CASK: variants seen among roughly 807,000 people sequenced by gnomAD.
CASK encodes the protein peripheral plasma membrane protein CASK.
Under a neutral mutation model 82.9 loss-of-function variants are expected in CASK, and 4 were observed. The observed-to-expected ratio is 0.05, with a 90% CI of 0.02 to 0.11. The LOEUF (loss-of-function observed/expected upper bound fraction) is 0.11, where lower values mean the gene tolerates loss of function less well. Among genes scored for constraint, CASK ranks in the 10% least tolerant of loss-of-function variants. The pLI is 1.00. For missense variants in CASK, 358 were observed against 720.9 expected (o/e 0.50, Z 5.76); for synonymous variants, 259 against 253.5 (o/e 1.02, Z -0.20).
chrX:41,701,199 T>G (rs2067787214), intron 5 of CASK, among the ~76,000 whole-genome samples: 1 of 111,041 alleles, frequency 9.0e-6, no homozygotes, highest in Admixed American at 9.6e-5. Context: ...ATAAGGACAC[T>G]CAAGAATTAA....
intron 5 of CASK, among the ~76,000 whole-genome samples, chrX:41,737,929 A>C (rs972316171): frequency 1.3e-4 from 15 of 113,150 alleles, no homozygotes; most frequent in African/African-American, 4.8e-4. Context: ...TACAGTTGAC[A>C]ATTTCCCGCC....
intron 25 of CASK, chrX:41,524,249 C>T (rs1440728874): frequency 4.9e-6 from 2 of 405,563 alleles, no homozygotes; most frequent in African/African-American, 5.0e-5. Flanking sequence ...TAAAAGTTGG[C>T]AAACTGGACA....
intron 26 of CASK, among the ~76,000 whole-genome samples, 196 bp from the exon 27 acceptor site, chrX:41,520,792 C>T (rs1407667497): frequency 1.8e-5 from 2 of 112,040 alleles, no homozygotes; most frequent in South Asian, 3.7e-4. Context: ...ACAGTGATTG[C>T]TCAACATGCA....
At position 41,565,998 on chromosome X, in the gene CASK, A is replaced by G. The variant is rs1464051311; in HGVS notation, c.1582+3670T>C. ...ACGACAAAAACCACATGATTATCTCAACAGATGCAGAAAAGGCCTTCAACA... is the reference window on the plus strand; with the variant it reads ...ACGACAAAAACCACATGATTATCTCGACAGATGCAGAAAAGGCCTTCAACA... On this transcript the variant is annotated intron_variant, in intron 16 of 26. Coordinates refer to ENST00000378163, the MANE Select transcript of CASK (RefSeq NM_001367721.1). 2.7e-5 allele frequency among the ~76,000 whole-genome samples: 3 copies of G among 111,969 alleles called. No individual in the cohort carries two copies. In the East Asian group the frequency reaches 8.4e-4, roughly 31 times the overall value.
chrX:41,888,185 T>C (rs886348449), intron 1 of CASK, among the ~76,000 whole-genome samples: 20 of 111,157 alleles, frequency 1.8e-4, no homozygotes, highest in Non-Finnish European at 3.2e-4. Context: ...CTAGTAAGAA[T>C]CCCCAATATC....
intron 1 of CASK, among the ~76,000 whole-genome samples, chrX:41,857,602 C>A (rs2071396171): frequency 8.9e-6 from 1 of 111,752 alleles, no homozygotes; most frequent in South Asian, 3.7e-4. Context: ...GAAAAACACA[C>A]AGAGAAATTT....
intron 18 of CASK, 192 bp downstream of exon 18, chrX:41,559,587 G>A (rs1263376579): frequency 4.2e-6 from 2 of 475,977 alleles, no homozygotes; most frequent in Admixed American, 5.9e-5. Context: ...GTGCTGAGGA[G>A]ATCCACATGG....
At chrX:41,917,609 T>C (rs2072715140) in intron 1 of CASK, among the ~76,000 whole-genome samples, 1 of 111,676 alleles carries the variant, frequency 9.0e-6, no homozygotes, top group South Asian at 3.7e-4. Flanking sequence ...CTGTTGCAGA[T>C]ACAAGGAAAA....
intron 1 of CASK, among the ~76,000 whole-genome samples, chrX:41,890,242 G>GTGTGTGTA (rs1556297438): frequency 2.3e-4 from 8 of 34,248 alleles, no homozygotes; most frequent in South Asian, 2.1e-3. Flanking sequence ...GTGTGTGTAT[G>GTGTGTGTA]TGTGTGTGTG....
chrX:41,670,758 G>GA (rs1162980988), intron 6 of CASK, among the ~76,000 whole-genome samples: 46 of 97,500 alleles, frequency 4.7e-4, no homozygotes, highest in Admixed American at 7.7e-4. Flanking sequence ...TTGTCTGAAA[G>GA]AAAAAAAAAA....
chrX:41,761,783 A>G (rs1200051762), intron 3 of CASK, among the ~76,000 whole-genome samples: 1 of 112,270 alleles, frequency 8.9e-6, no homozygotes, highest in Non-Finnish European at 1.9e-5. Context: ...ATCATGAGCA[A>G]TTTGCAAACA....
intron 5 of CASK, among the ~76,000 whole-genome samples, chrX:41,677,706 G>A (rs193089398): frequency 7.9e-4 from 89 of 112,103 alleles, no homozygotes; most frequent in Non-Finnish European, 1.1e-3. Flanking sequence ...GAAATGGGAT[G>A]TAGAAGAAAG....
At chrX:41,831,871 G>A (rs2070825202) in intron 2 of CASK, among the ~76,000 whole-genome samples, 1 of 111,419 alleles carries the variant, frequency 9.0e-6, no homozygotes, top group Non-Finnish European at 1.9e-5. Context: ...TGAGGCAGGA[G>A]AATCGCTTGA....
chrX:41,726,166 C>A, intron 5 of CASK, among the ~76,000 whole-genome samples: 1 of 112,125 alleles, frequency 8.9e-6, no homozygotes, highest in Admixed American at 9.4e-5. Flanking sequence ...CCAGGGTGTT[C>A]TTGAAATCCT....
At chrX:41,718,456 C>T (rs1463742689) in intron 5 of CASK, among the ~76,000 whole-genome samples, 1 of 111,737 alleles carries the variant, frequency 8.9e-6, no homozygotes, top group African/African-American at 3.3e-5. Context: ...GGGGACTCAG[C>T]CTTCAACCTG....
intron 1 of CASK, among the ~76,000 whole-genome samples, chrX:41,866,958 T>TC (rs2071601752): frequency 9.0e-6 from 1 of 111,487 alleles, no homozygotes; most frequent in South Asian, 3.8e-4. Context: ...CACATATACA[T>TC]CCTCACTCAC....
intron 3 of CASK, among the ~76,000 whole-genome samples, chrX:41,765,294 A>C: frequency 8.9e-6 from 1 of 112,356 alleles, no homozygotes; most frequent in Non-Finnish European, 1.9e-5. Context: ...TAAGACATAT[A>C]CTAATTTATA....
intron 1 of CASK, among the ~76,000 whole-genome samples, chrX:41,881,972 T>C (rs1222623686): frequency 9.0e-6 from 1 of 111,272 alleles, no homozygotes; most frequent in African/African-American, 3.3e-5. Flanking sequence ...GGTTTACATA[T>C]ATCCATAAAG....
At chrX:41,888,847 G>A (rs1441018473) in intron 1 of CASK, among the ~76,000 whole-genome samples, 2 of 106,777 alleles carry the variant, frequency 1.9e-5, no homozygotes, top group African/African-American at 6.8e-5. Flanking sequence ...ATGTGTGTGT[G>A]TATATATACG....
Sources: gnomAD v4.1 joint callset for allele counts (sites outside exome capture counted in the v4.1 genomes callset) on GRCh38, gnomAD v4.1.1 for gene constraint, MANE v1.5 for transcripts, NCBI Gene and HGNC (gene_info 2026-07-23, HGNC 2026-07-21) for gene names.